The following ADGRF1 variants were observed in gnomAD, a reference collection of about 807,000 sequenced individuals.
ADGRF1 encodes the protein adhesion G protein-coupled receptor F1, also known as G protein-coupled receptor 110.
Under a neutral mutation model 87.2 loss-of-function variants are expected in ADGRF1, and 85 were observed. The observed-to-expected ratio is 0.97, with a 90% CI of 0.82 to 1.17. The LOEUF (loss-of-function observed/expected upper bound fraction) is 1.17, where lower values mean the gene tolerates loss of function less well. Among genes scored for constraint, ADGRF1 ranks in the 50% most tolerant of loss-of-function variants. The pLI is 0.00. For missense variants in ADGRF1, 1,169 were observed against 1,077.2 expected, an observed-to-expected ratio of 1.09 and a Z score of -1.19; for synonymous variants, 430 against 408.8, an observed-to-expected ratio of 1.05 and a Z score of -0.63.
Position 47,010,327 on chromosome 6 carries a change from C to G in ADGRF1, c.1117-9G>C, listed in dbSNP as rs1391519639. On this transcript the variant is annotated splice_polypyrimidine_tract_variant and intron_variant, in intron 10 of 14. Transcript: ENST00000371253. ...GCTATACTGATGACATCCTGAAACA[C>G]AAGGATGAGAGTCAGTTTGTGTTTT... The G allele has an allele frequency of 6.3e-7, 1 of 1,583,398 alleles. No individual in the cohort carries two copies. The highest frequency in any genetic ancestry group is 8.6e-7 in the Non-Finnish European group (1 of 1,164,314).
chr6:47,039,493 A>T (rs1442340649), intron 1 of ADGRF1, among the ~76,000 whole-genome samples: 3 of 152,194 alleles, frequency 2.0e-5, no homozygotes, highest in Admixed American at 2.0e-4. Context: ...TCTGTGGCTT[A>T]CTGGGGAGGG....
chr6:47,019,940 CTA>C (rs1418967351), intron 7 of ADGRF1: 1 of 985,564 alleles, frequency 1.0e-6, no homozygotes, highest in East Asian at 1.1e-4. Context: ...GGGTTTTGAA[CTA>C]TGATGTATAC....
chr6:47,014,692 C>A lies in ADGRF1; in HGVS notation c.916G>T (p.Glu306Ter). ...RETCVLSLLE[E>*]LNKNFSMIVG... Reference sequence around the variant, plus strand: ...TGAAAATGCCTCACCTTGTTCAGTTCTTCAAGCAGAGAGAGCACACAAGTC... The same window carrying A: ...TGAAAATGCCTCACCTTGTTCAGTTATTCAAGCAGAGAGAGCACACAAGTC... The change falls in exon 9 of 15, where the codon GAA becomes TAA. Residue 306 changes from glutamate (E) to a stop codon, truncating the protein, a stop_gained. Transcript: ENST00000371253. LOFTEE classifies it high-confidence loss of function. 6.2e-7 allele frequency: 1 copy of A among 1,613,320 alleles called. No individual in the cohort carries two copies. Among genetic ancestry groups the A allele is most frequent in the Non-Finnish European group, 8.5e-7 (1 of 1,179,778 alleles).
At chr6:47,010,639 C>T (rs1226476) in intron 10 of ADGRF1, among the ~76,000 whole-genome samples, 10,625 of 152,156 alleles carry the variant, frequency 0.07, 1,271 homozygotes, top group African/African-American at 0.24. Flanking sequence ...TCCTCCTCTC[C>T]GAGATGTTAA....
At chr6:47,016,822 A>G in intron 7 of ADGRF1, 54 bp from the exon 8 acceptor site, 1 of 1,523,016 alleles carries the variant, frequency 6.6e-7, no homozygotes, top group Non-Finnish European at 8.9e-7. Flanking sequence ...TTATTCATTC[A>G]CTCCCGGCCT....
Position 47,009,365 on chromosome 6 carries a change from G to T in ADGRF1, c.2070C>A (p.Phe690Leu). 1 of 1,614,116 alleles carries T rather than the reference G, an allele frequency of 6.2e-7. No individual in the cohort carries two copies. The highest frequency in any genetic ancestry group is 8.5e-7 in the Non-Finnish European group (1 of 1,180,024). ...TCATCAAATGCTGGGCCATGTGATG[G>T]AACACGAGGATGATCCGGTAAGCCA... ...ILLAYRIILVFHHMAQHLMMA... is the reference protein window; with the variant it reads ...ILLAYRIILVLHHMAQHLMMA... The change falls in exon 11 of 15, where the codon TTC (phenylalanine) becomes TTA (leucine). Residue 690 changes from phenylalanine to leucine, a missense_variant. By Grantham distance (22) the Phe-to-Leu change is conservative. Coordinates refer to ENST00000371253, the MANE Select transcript of ADGRF1 (RefSeq NM_153840.4).
chr6:47,000,167 T>C lies in ADGRF1; in HGVS notation c.*55A>G, dbSNP rs1036845717. ...AGCATAATTTCTTCATTGACATTTG[T>C]CTCTAAATGTCAAGTTGTTCTGGAA... On this transcript the variant is annotated 3_prime_UTR_variant, in exon 15 of 15. Transcript: ENST00000371253. The C allele has an allele frequency of 2.4e-6, 3 of 1,271,604 alleles. No individual in the cohort carries two copies. The highest frequency in any genetic ancestry group is 1.9e-4 in the Middle Eastern group (1 of 5,206). The allele number at this position is 1,271,604 out of a possible 1,614,324, so 78.8% of individuals were successfully genotyped here. A position where few individuals can be genotyped will look rare whatever the true frequency, so the allele number is the denominator to read the frequency against.
intron 2 of ADGRF1, among the ~76,000 whole-genome samples, chr6:47,028,069 A>T (rs1780298671): frequency 6.6e-6 from 1 of 152,322 alleles, no homozygotes; most frequent in East Asian, 1.9e-4. Flanking sequence ...TTTATAGGCC[A>T]TGGAAAGGGT....
At chr6:47,025,711 T>A in intron 4 of ADGRF1, 143 bp downstream of exon 4, 1 of 769,736 alleles carries the variant, frequency 1.3e-6, no homozygotes, top group Non-Finnish European at 2.0e-6. Flanking sequence ...AATGGACATG[T>A]AGCATGAAGA....
At chr6:47,031,355 C>CTA (rs1208262155) in intron 1 of ADGRF1, among the ~76,000 whole-genome samples, 1 of 119,576 alleles carries the variant, frequency 8.4e-6, no homozygotes, top group South Asian at 2.8e-4. Context: ...CTCTCTGTCT[C>CTA]TCTCTCTCTC....
At chr6:47,036,923 A>G (rs1197906182) in intron 1 of ADGRF1, among the ~76,000 whole-genome samples, 1 of 152,140 alleles carries the variant, frequency 6.6e-6, no homozygotes, top group South Asian at 2.1e-4. Context: ...AACTCCCACA[A>G]TTTGTGCTCA....
intron 11 of ADGRF1, 59 bp from the exon 12 acceptor site, chr6:47,007,353 C>T: frequency 9.6e-7 from 1 of 1,036,274 alleles, no homozygotes; most frequent in Non-Finnish European, 1.5e-6. Context: ...AAAAAGAAAG[C>T]ATTTATATGT....
chr6:47,042,114 A>G (rs1780756684), intron 1 of ADGRF1, 77 bp downstream of exon 1: 7 of 152,136 alleles, frequency 4.6e-5, no homozygotes, highest in Admixed American at 4.6e-4. Context: ...GAGAGAAAAA[A>G]TAATCTCAGA....
intron 6 of ADGRF1, among the ~76,000 whole-genome samples, chr6:47,021,081 G>A (rs748678941): frequency 6.6e-6 from 1 of 152,180 alleles, no homozygotes; most frequent in Non-Finnish European, 1.5e-5. Context: ...TTTGATGCCA[G>A]ATCGTAGAAT....
intron 6 of ADGRF1, among the ~76,000 whole-genome samples, chr6:47,021,615 C>T (rs2081598454): frequency 1.3e-5 from 2 of 152,138 alleles, no homozygotes; most frequent in South Asian, 4.1e-4. Context: ...CCTGCCTCAG[C>T]CTCCCAAAGT....
intron 1 of ADGRF1, among the ~76,000 whole-genome samples, chr6:47,032,770 T>C (rs146280673): frequency 6.6e-6 from 1 of 152,368 alleles, no homozygotes; most frequent in East Asian, 1.9e-4. Flanking sequence ...TCAGTTTTTA[T>C]AGTTACTTGC....
chr6:47,020,585 G>A (rs1780017724), intron 7 of ADGRF1, 146 bp downstream of exon 7: 1 of 1,522,396 alleles, frequency 6.6e-7, no homozygotes, highest in Non-Finnish European at 8.8e-7. Context: ...AAGCATCACA[G>A]ATCCTTGTTC....
chr6:47,013,519 C>T (rs957147945), intron 9 of ADGRF1: 5 of 985,328 alleles, frequency 5.1e-6, no homozygotes, highest in East Asian at 2.3e-4. Flanking sequence ...ACTTGCTGAA[C>T]AGTATCTGTG....
chr6:47,034,294 C>T (rs933541922), intron 1 of ADGRF1, among the ~76,000 whole-genome samples: 8 of 152,192 alleles, frequency 5.3e-5, no homozygotes, highest in Non-Finnish European at 1.2e-4. Flanking sequence ...CAATGTCTGG[C>T]AGTCACCAAA....
Sources: allele counts gnomAD v4.1 joint callset (sites outside exome capture counted in the v4.1 genomes callset), GRCh38; gene constraint gnomAD v4.1.1; transcripts MANE v1.5; gene names NCBI Gene and HGNC (gene_info 2026-07-23, HGNC 2026-07-21).